PCDHA5: variants seen among roughly 807,000 people sequenced by gnomAD.
The protein encoded by PCDHA5 is protocadherin alpha 5, also known as protocadherin alpha-5.
PCDHA5 carries 43 observed loss-of-function variants against 61.6 expected under a neutral mutation model. The observed-to-expected ratio is 0.70, with a 90% CI of 0.55 to 0.90. The LOEUF is 0.90. Ranked by LOEUF, PCDHA5 falls within the 40% of genes least tolerant of loss-of-function variation. The pLI is 0.00. For synonymous variants in PCDHA5, 627 were observed against 543.9 expected (o/e 1.15, Z -2.13); for missense variants, 1,298 against 1,222.7 (o/e 1.06, Z -0.92).
chr5:141,001,492 T>A (rs1190860523), intron 3 of PCDHA5, among the ~76,000 whole-genome samples: 1 of 152,236 alleles, frequency 6.6e-6, no homozygotes, highest in African/African-American at 2.4e-5. Context: ...CTGGAAATGC[T>A]AGCCCAGGTG....
chr5:140,906,050 G>T (rs560570961), intron 1 of PCDHA5, among the ~76,000 whole-genome samples: 2 of 152,268 alleles, frequency 1.3e-5, no homozygotes, highest in African/African-American at 4.8e-5. Flanking sequence ...TATTCTGGCT[G>T]CACTGGCAGC....
intron 1 of PCDHA5, among the ~76,000 whole-genome samples, chr5:140,911,819 A>C (rs2075652599): frequency 6.6e-6 from 1 of 152,164 alleles, no homozygotes; most frequent in Admixed American, 6.6e-5. Context: ...CTTCTCCAGA[A>C]ACCCCAAAAC....
chr5:140,967,040 C>G, intron 1 of PCDHA5: 1 of 1,611,752 alleles, frequency 6.2e-7, no homozygotes, highest in South Asian at 1.1e-5. Flanking sequence ...CTACCTGGAG[C>G]TGGACCTGAC....
At chr5:140,987,011 C>G (rs1266225593) in intron 3 of PCDHA5, among the ~76,000 whole-genome samples, 1 of 151,990 alleles carries the variant, frequency 6.6e-6, no homozygotes, top group African/African-American at 2.4e-5. Context: ...GTCATGAGTT[C>G]GAGACCAGCC....
At chr5:140,868,420 A>C (rs1554161960) in intron 1 of PCDHA5, 1 of 152,238 alleles carries the variant, frequency 6.6e-6, no homozygotes, top group Non-Finnish European at 1.5e-5. Flanking sequence ...AAGCCCACAG[A>C]GATGAGAATA....
At chr5:140,908,041 G>T (rs2073758972) in intron 1 of PCDHA5, among the ~76,000 whole-genome samples, 1 of 152,112 alleles carries the variant, frequency 6.6e-6, no homozygotes, top group Non-Finnish European at 1.5e-5. Context: ...GTATATAATT[G>T]CACATCCGGC....
At position 140,876,146 on chromosome 5, in the gene PCDHA5, C is replaced by G. The variant is rs75398909; in HGVS notation, c.2352+52019C>G. The G allele has an allele frequency of 1.6e-3, 2,650 of 1,613,952 alleles. 40 individuals carry two copies. In the African/African-American group the frequency reaches 0.028, roughly 17 times the overall value. ...GGCGGTAAACCAGAACTAACAGGGT[C>G]TGTCCAGATTCAAATAACCGTCCTG... On this transcript the variant is annotated intron_variant, in intron 1 of 3. Coordinates refer to ENST00000529859, the MANE Select transcript of PCDHA5 (RefSeq NM_018908.3).
intron 1 of PCDHA5, chr5:140,875,175 T>G (rs1301346750): frequency 5.0e-6 from 2 of 399,086 alleles, no homozygotes; most frequent in African/African-American, 4.1e-5. Context: ...GTCGAAACAT[T>G]AGAATTAAGA....
chr5:140,904,156 G>C (rs1554191312), intron 1 of PCDHA5, among the ~76,000 whole-genome samples: 1 of 152,028 alleles, frequency 6.6e-6, no homozygotes, highest in Non-Finnish European at 1.5e-5. Flanking sequence ...ATTGCACCCA[G>C]TTTGTAGTCT....
Position 140,967,000 on chromosome 5 carries a change from C to T in PCDHA5, c.2353-11949C>T, listed in dbSNP as rs544624379. The T allele has an allele frequency of 6.1e-5, 98 of 1,604,962 alleles. No individual in the cohort carries two copies. The East Asian group carries it at 2.1e-3, about 35-fold the overall frequency. ...GGCGCTTGGGGCCGGGTTGCTTGCG[C>T]ATCAACCATCTGGGTGCGCCCAGTC... On this transcript the variant is annotated intron_variant, in intron 1 of 3. Coordinates refer to ENST00000529859, the MANE Select transcript of PCDHA5 (RefSeq NM_018908.3).
At chr5:140,929,192 A>C (rs1367500775) in intron 1 of PCDHA5, 1 of 1,614,124 alleles carries the variant, frequency 6.2e-7, no homozygotes, top group Non-Finnish European at 8.5e-7. Context: ...TCTGATAATA[A>C]CAGTTTGCTG....
At chr5:140,841,903 C>A in intron 1 of PCDHA5, 5 of 1,613,800 alleles carry the variant, frequency 3.1e-6, no homozygotes, top group Non-Finnish European at 4.2e-6. Flanking sequence ...TGGTTGAGCT[C>A]GTATTAAGAA....
rs1767524981 is a variant in PCDHA5 at position 140,823,030 on chromosome 5, G to A, written c.1255G>A (p.Val419Ile). The A allele has an allele frequency of 6.2e-7, 1 of 1,614,220 alleles. No homozygotes were observed. The highest frequency in any genetic ancestry group is 8.5e-7 in the Non-Finnish European group (1 of 1,180,048). ...CGCCCTGGACCGCGAGAGCGTGTCG[G>A]TCTATGAGCTGGTGGTGACCGCGCG... ...DSALDRESVS[V>I]YELVVTARDG... Residue 419 changes from valine to isoleucine, a missense_variant, in exon 1 of 4, where the codon GTC (valine) becomes ATC (isoleucine). Physicochemically the swap from Val to Ile is conservative, Grantham distance 29. Coordinates refer to ENST00000529859, the MANE Select transcript of PCDHA5 (RefSeq NM_018908.3).
chr5:140,862,432 C>T (rs746687465), intron 1 of PCDHA5: 1 of 355,106 alleles, frequency 2.8e-6, no homozygotes, highest in Non-Finnish European at 5.6e-6. Context: ...AGAAACTATT[C>T]GTTGGTACTC....
rs1395413340 is a variant in PCDHA5 at position 140,844,044 on chromosome 5, A to G, written c.2352+19917A>G. ...GGGCATTTTGATCTTTGGTGAAAGT[A>G]TTCCCCCAAAGCGTTTATTCTTTTG... On this transcript the variant is annotated intron_variant, in intron 1 of 3. Coordinates refer to ENST00000529859, the MANE Select transcript of PCDHA5 (RefSeq NM_018908.3). 1.3e-5 allele frequency among the ~76,000 whole-genome samples: 2 copies of G among 149,664 alleles called. 1 individual carries two copies. The highest frequency in any genetic ancestry group is 4.9e-5 in the African/African-American group (2 of 40,852).
At chr5:140,969,293 C>A in intron 1 of PCDHA5, 1 of 1,614,186 alleles carries the variant, frequency 6.2e-7, no homozygotes, top group Non-Finnish European at 8.5e-7. Flanking sequence ...TGCTGGGAAC[C>A]TGATTATTCT....
intron 1 of PCDHA5, chr5:140,848,650 T>C (rs1343958164): frequency 6.3e-6 from 10 of 1,592,776 alleles, no homozygotes; most frequent in Non-Finnish European, 8.6e-6. Flanking sequence ...GCGCAGGACC[T>C]GGGGCTGGAG....
At chr5:140,919,516 A>G (rs1207061379) in intron 1 of PCDHA5, among the ~76,000 whole-genome samples, 2 of 152,078 alleles carry the variant, frequency 1.3e-5, no homozygotes. Flanking sequence ...TATATGTTTT[A>G]ATTCTCTTTT....
chr5:140,844,328 A>T (rs2150370621), intron 1 of PCDHA5, among the ~76,000 whole-genome samples: 8 of 149,410 alleles, frequency 5.4e-5, no homozygotes, highest in Non-Finnish European at 9.0e-5. Flanking sequence ...TTTATTATAA[A>T]CTAGTTAAAA....
Sources: gnomAD v4.1 joint callset for allele counts (sites outside exome capture counted in the v4.1 genomes callset) on GRCh38, gnomAD v4.1.1 for gene constraint, MANE v1.5 for transcripts, NCBI Gene and HGNC (gene_info 2026-07-23, HGNC 2026-07-21) for gene names.